The following RORA variants were observed in gnomAD, a reference collection of about 807,000 sequenced individuals.
RORA encodes nuclear receptor ROR-alpha.
Under a neutral mutation model 69.5 loss-of-function variants are expected in RORA, and 7 were observed. The observed-to-expected ratio is 0.10, with a 90% confidence interval of 0.06 to 0.19. RORA has a LOEUF of 0.19. RORA is among the 10% of genes least tolerant of loss of function. RORA has a pLI of 1.00. For synonymous variants in RORA, 261 were observed against 240.8 expected, an observed-to-expected ratio of 1.08 and a Z score of -0.78; for missense variants, 457 against 663.0, an observed-to-expected ratio of 0.69 and a Z score of 3.41.
chr15:60,621,398 A>T (rs768272567), intron 2 of RORA, among the ~76,000 whole-genome samples: 7 of 152,136 alleles, frequency 4.6e-5, no homozygotes, highest in Non-Finnish European at 1.0e-4. Context: ...TTGTTGCTAT[A>T]TAACATGAAG....
At chr15:60,588,574 G>A (rs1437690702) in intron 2 of RORA, among the ~76,000 whole-genome samples, 1 of 152,138 alleles carries the variant, frequency 6.6e-6, no homozygotes, top group African/African-American at 2.4e-5. Flanking sequence ...TATTGTAGGT[G>A]CTTTGCAATT....
chr15:61,214,919 C>T (rs2080025435), intron 1 of RORA, among the ~76,000 whole-genome samples: 1 of 139,222 alleles, frequency 7.2e-6, no homozygotes, highest in African/African-American at 2.7e-5. Context: ...GGCTGGAGTG[C>T]AGTGGCACGA....
At chr15:60,896,170 T>C (rs943131714) in intron 1 of RORA, among the ~76,000 whole-genome samples, 2 of 152,228 alleles carry the variant, frequency 1.3e-5, no homozygotes, top group African/African-American at 4.8e-5. Flanking sequence ...TTAGAGACAC[T>C]CTGGAGTTTG....
At chr15:60,706,891 T>C (rs1331315860) in intron 1 of RORA, among the ~76,000 whole-genome samples, 1 of 152,234 alleles carries the variant, frequency 6.6e-6, no homozygotes, top group Non-Finnish European at 1.5e-5. Context: ...TTCAGTCAAA[T>C]TAACAAACTA....
intron 1 of RORA, among the ~76,000 whole-genome samples, chr15:61,112,613 T>G (rs1441695658): frequency 6.6e-6 from 1 of 152,034 alleles, no homozygotes; most frequent in Non-Finnish European, 1.5e-5. Context: ...AGCAGGTGAG[T>G]AATAACGATA....
chr15:60,702,735 G>A (rs190877168), intron 1 of RORA, among the ~76,000 whole-genome samples: 22 of 152,276 alleles, frequency 1.4e-4, no homozygotes, highest in African/African-American at 5.3e-4. Flanking sequence ...TCCTAAAAAC[G>A]GTAGTTCCTT....
intron 1 of RORA, among the ~76,000 whole-genome samples, chr15:60,959,743 A>G (rs1008742888): frequency 2.0e-5 from 3 of 152,206 alleles, no homozygotes; most frequent in African/African-American, 7.2e-5. Flanking sequence ...GACGCATTTG[A>G]AAAAACACCG....
At chr15:60,521,030 G>A (rs2066147219) in intron 3 of RORA, among the ~76,000 whole-genome samples, 1 of 152,018 alleles carries the variant, frequency 6.6e-6, no homozygotes, top group African/African-American at 2.4e-5. Context: ...ACAGGCCTTT[G>A]GTGCTGAAAG....
intron 1 of RORA, among the ~76,000 whole-genome samples, chr15:61,075,083 T>C (rs1595952775): frequency 6.8e-6 from 1 of 147,538 alleles, no homozygotes; most frequent in African/African-American, 2.5e-5. Context: ...TGAGACTCTA[T>C]CTCAAAAAAA....
chr15:60,569,091 G>A (rs759179721), intron 2 of RORA, among the ~76,000 whole-genome samples: 12 of 151,912 alleles, frequency 7.9e-5, no homozygotes, highest in Non-Finnish European at 1.8e-4. Context: ...TTTCTTTGTG[G>A]TAAGAGGTAT....
At chr15:61,142,056 TA>T (rs142427700) in intron 1 of RORA, among the ~76,000 whole-genome samples, 9,337 of 152,178 alleles carry the variant, frequency 0.061, 553 homozygotes, top group East Asian at 0.22. Context: ...AGACAGCAGT[TA>T]CCCTTTCACA....
intron 1 of RORA, among the ~76,000 whole-genome samples, chr15:61,078,742 A>G (rs2140645968): frequency 6.6e-6 from 1 of 151,908 alleles, no homozygotes; most frequent in African/African-American, 2.4e-5. Context: ...CAGCCTACAC[A>G]GGGACAATTT....
At chr15:60,943,923 A>AAAAAAAAAAAAAAAAAAG (rs1892783203) in intron 1 of RORA, among the ~76,000 whole-genome samples, 1 of 146,966 alleles carries the variant, frequency 6.8e-6, no homozygotes, top group Non-Finnish European at 1.5e-5. Context: ...CTCCAAAAAA[A>AAAAAAAAAAAAAAAAAAG]AAAAAAAAAA....
chr15:60,579,910 T>C (rs2068143169), intron 2 of RORA, among the ~76,000 whole-genome samples: 1 of 152,064 alleles, frequency 6.6e-6, no homozygotes, highest in Admixed American at 6.6e-5. Context: ...AGTAACACAG[T>C]TGTGTTTATT....
At chr15:60,858,675 A>T (rs1188416321) in intron 1 of RORA, among the ~76,000 whole-genome samples, 1 of 145,064 alleles carries the variant, frequency 6.9e-6, no homozygotes, top group East Asian at 2.0e-4. Context: ...TTTCAGATTC[A>T]TTAAAAAGAA....
At chr15:61,124,239 A>G (rs1368225286) in intron 1 of RORA, among the ~76,000 whole-genome samples, 1 of 152,236 alleles carries the variant, frequency 6.6e-6, no homozygotes, top group Admixed American at 6.5e-5. Context: ...GGGATAATGC[A>G]AACATCAGGA....
intron 3 of RORA, among the ~76,000 whole-genome samples, chr15:60,517,123 T>C (rs188092401): frequency 1.1e-3 from 168 of 150,464 alleles, no homozygotes; most frequent in Admixed American, 2.3e-3. Flanking sequence ...TTTTTTTTTT[T>C]CCCCCCTACA....
intron 1 of RORA, among the ~76,000 whole-genome samples, chr15:60,949,625 G>C (rs1030604841): frequency 2.0e-5 from 3 of 152,202 alleles, no homozygotes; most frequent in Non-Finnish European, 4.4e-5. Context: ...CATGAATTGA[G>C]AGAAAGCTTC....
intron 1 of RORA, among the ~76,000 whole-genome samples, chr15:60,922,099 CA>C (rs1892065959): frequency 6.6e-6 from 1 of 152,098 alleles, no homozygotes; most frequent in African/African-American, 2.4e-5. Context: ...ATATATACAT[CA>C]GTTTGCATCT....
Sources: gnomAD v4.1 joint callset for allele counts (sites outside exome capture counted in the v4.1 genomes callset) on GRCh38, gnomAD v4.1.1 for gene constraint, MANE v1.5 for transcripts, NCBI Gene and HGNC (gene_info 2026-07-23, HGNC 2026-07-21) for gene names.